Variants in FRY observed in about 807,000 individuals in gnomAD.
The protein encoded by FRY is protein furry homolog.
In FRY, 128 loss-of-function variants were observed where a neutral mutation model predicts 348.4. The ratio of observed to expected loss-of-function variants is 0.37; its 90% confidence interval spans 0.32 to 0.43. FRY has a LOEUF of 0.43. FRY is among the 20% of genes least tolerant of loss of function. FRY has a pLI of 1.00. For missense variants in FRY, 2,736 were observed against 3,695.2 expected (o/e 0.74, Z 6.73); for synonymous variants, 1,370 against 1,374.7 (o/e 1.00, Z 0.08).
At chr13:32,178,730 C>T in intron 21 of FRY, 114 bp from the exon 22 acceptor site, 2 of 786,074 alleles carry the variant, frequency 2.5e-6, no homozygotes, top group Non-Finnish European at 4.4e-6. Flanking sequence ...GAATAACATT[C>T]TTAATCGACA....
chr13:32,155,812 CTG>C lies in FRY; in HGVS notation c.1651+154_1651+155del, dbSNP rs1881073254. The C allele has an allele frequency of 6.5e-6, 4 of 614,324 alleles. No homozygotes were observed. The Admixed American group carries it at 9.3e-5, about 14-fold the overall frequency. 38.1% of individuals were successfully genotyped at this position (614,324 alleles called of 1,614,324 possible). A position where few individuals can be genotyped will look rare whatever the true frequency, so the allele number is the denominator to read the frequency against. ...CATTAATTGTTTTGATTGATTCATG[CTG>C]TGTTTTGTTTTACTGCTCTTTAAAC... On this transcript the variant is annotated intron_variant, in intron 15 of 60. Transcript: ENST00000542859.
rs1436158286 is a variant in FRY at position 32,295,294 on chromosome 13, AGAC to A, written c.8878_8880del (p.Thr2960del). 2.5e-6 allele frequency: 4 copies of A among 1,613,938 alleles called. No homozygotes were observed. In the African/African-American group the frequency reaches 5.3e-5, roughly 22 times the overall value. ...TATTTCCGTCACCAAACTCTGGGAC[AGAC>A]GGGTACTTATGCCCTGGTGGGGTCT... On this transcript the variant is annotated inframe_deletion, in exon 61 of 61. Coordinates refer to ENST00000542859, the MANE Select transcript of FRY (RefSeq NM_023037.3).
chr13:32,200,354 A>T (rs1370331395), intron 29 of FRY, among the ~76,000 whole-genome samples: 2 of 152,244 alleles, frequency 1.3e-5, no homozygotes, highest in Admixed American at 1.3e-4. Context: ...TTTCACCTTC[A>T]AACTATCTTT....
chr13:32,184,688 A>G lies in FRY; in HGVS notation c.3143A>G (p.Asp1048Gly). 1 of 1,562,644 alleles carries G rather than the reference A, an allele frequency of 6.4e-7. No individual in the cohort carries two copies. Among genetic ancestry groups the G allele is most frequent in the Non-Finnish European group, 8.8e-7 (1 of 1,133,316 alleles). The change falls in exon 25 of 61, where the codon GAC (aspartate) becomes GGC (glycine). Residue 1048 changes from aspartate to glycine, a missense_variant. Asp to Gly is a moderately conservative substitution (Grantham distance 94). Around this residue, in one of 9 missense-constraint regions of FRY, gnomAD observed 449 missense variants for 576.9 expected, o/e 0.78. Transcript: ENST00000542859. ...ELLADAGVIS[D>G]STNGALERDT... is the part of the protein sequence containing the mutation. ...TTGGCTGATGCTGGTGTAATAAGTG[A>G]CAGGTAGGATCAGAATTCTACCGAG...
chr13:32,045,973 C>T lies in FRY; in HGVS notation c.70+14108C>T, dbSNP rs539324519. Among the ~76,000 whole-genome samples, 62 of 152,324 alleles carry T rather than the reference C, an allele frequency of 4.1e-4. No individual in the cohort carries two copies. The South Asian group carries it at 0.013, about 32-fold the overall frequency. On this transcript the variant is annotated intron_variant, in intron 1 of 60. Coordinates refer to ENST00000542859, the MANE Select transcript of FRY (RefSeq NM_023037.3). Reference sequence around the variant, plus strand: ...TGAGCTCAGGCAGAGGATACAACTACTTATGAAGTGTACACACTCCAGTGA... The same window carrying T: ...TGAGCTCAGGCAGAGGATACAACTATTTATGAAGTGTACACACTCCAGTGA...
chr13:32,104,530 A>T (rs527608133), intron 3 of FRY, among the ~76,000 whole-genome samples: 66 of 152,342 alleles, frequency 4.3e-4, no homozygotes, highest in East Asian at 1.3e-3. Context: ...GTCACTAAGA[A>T]CTTTCAAATA....
chr13:32,249,818 G>T, intron 49 of FRY, 131 bp downstream of exon 49: 1 of 766,590 alleles, frequency 1.3e-6, no homozygotes, highest in South Asian at 1.5e-5. Flanking sequence ...TCCAGGGATG[G>T]GGTCTTGTGG....
chr13:32,076,817 GTATA>G (rs996442834), intron 1 of FRY, among the ~76,000 whole-genome samples: 9 of 152,030 alleles, frequency 5.9e-5, no homozygotes, highest in African/African-American at 1.9e-4. Flanking sequence ...AGCTAGAAGA[GTATA>G]TGGTTTAATT....
intron 1 of FRY, among the ~76,000 whole-genome samples, chr13:32,045,345 G>T (rs992580862): frequency 3.3e-5 from 5 of 152,118 alleles, no homozygotes; most frequent in Non-Finnish European, 7.4e-5. Context: ...CCAAGGCCTG[G>T]TTCCAGGTCT....
intron 14 of FRY, among the ~76,000 whole-genome samples, chr13:32,153,236 C>T (rs182413924): frequency 3.9e-5 from 6 of 152,190 alleles, no homozygotes; most frequent in Admixed American, 2.0e-4. Context: ...TGCTCACAAA[C>T]GTTTGTGCAA....
At position 32,201,926 on chromosome 13, in the gene FRY, C is replaced by A; in HGVS notation, c.3747-15C>A. 1 of 1,404,604 alleles carries A rather than the reference C, an allele frequency of 7.1e-7. No individual in the cohort carries two copies. Among genetic ancestry groups the A allele is most frequent in the Non-Finnish European group, 1.0e-6 (1 of 989,034 alleles). The allele number at this position is 1,404,604 out of a possible 1,614,324, so 87.0% of individuals were successfully genotyped here. ...TAAACCATGCTTTTTTTGTTTTGTTCTGTTGTGTTTTTAGGAACTATCCCT... is the reference window on the plus strand; with the variant it reads ...TAAACCATGCTTTTTTTGTTTTGTTATGTTGTGTTTTTAGGAACTATCCCT... On this transcript the variant is annotated splice_polypyrimidine_tract_variant and intron_variant, in intron 29 of 60. Transcript: ENST00000542859.
intron 35 of FRY, among the ~76,000 whole-genome samples, chr13:32,214,177 C>A (rs1884845268): frequency 1.3e-5 from 2 of 152,246 alleles, no homozygotes; most frequent in Non-Finnish European, 2.9e-5. Flanking sequence ...TGAAAGTAGG[C>A]TGTGCCCTCA....
intron 2 of FRY, chr13:32,085,896 C>T (rs370363998): frequency 2.1e-5 from 11 of 518,866 alleles, no homozygotes; most frequent in African/African-American, 1.9e-4. Flanking sequence ...CTGGTCTTAG[C>T]CCTCCAGGTG....
chr13:32,046,673 T>G (rs1017266392), intron 1 of FRY, among the ~76,000 whole-genome samples: 1 of 152,218 alleles, frequency 6.6e-6, no homozygotes, highest in African/African-American at 2.4e-5. Context: ...TTCTTTATTG[T>G]GTTTCCATGT....
chr13:32,279,288 T>G (rs1253692397), intron 58 of FRY, among the ~76,000 whole-genome samples: 1 of 152,184 alleles, frequency 6.6e-6, no homozygotes, highest in Non-Finnish European at 1.5e-5. Flanking sequence ...AGTAGCATCT[T>G]GGCAGAGATC....
At chr13:32,241,004 A>C (rs898298336) in intron 46 of FRY, among the ~76,000 whole-genome samples, 37 of 152,202 alleles carry the variant, frequency 2.4e-4, no homozygotes, top group African/African-American at 8.7e-4. Context: ...GACTGTCAGC[A>C]GCCCAGGATT....
intron 23 of FRY, among the ~76,000 whole-genome samples, chr13:32,182,231 T>C (rs1418139038): frequency 1.3e-5 from 2 of 152,208 alleles, no homozygotes; most frequent in Non-Finnish European, 2.9e-5. Flanking sequence ...CAGAAGTTAT[T>C]TCTTGAAGAA....
chr13:32,059,458 C>CAAA (rs10692049), intron 1 of FRY, among the ~76,000 whole-genome samples: 43,043 of 110,600 alleles, frequency 0.39, 8,174 homozygotes, highest in South Asian at 0.53. Context: ...ACTTAGGAAG[C>CAAA]AAAAAAAAAA....
chr13:32,182,881 A>T (rs1882797121), intron 23 of FRY, 96 bp from the exon 24 acceptor site: 1 of 788,330 alleles, frequency 1.3e-6, no homozygotes, highest in African/African-American at 1.7e-5. Context: ...AAAGTGTAAA[A>T]AGCAAGTGAT....
Sources: gnomAD v4.1 joint callset for allele counts (sites outside exome capture counted in the v4.1 genomes callset) on GRCh38, gnomAD v4.1.1 for gene constraint, gnomAD v4.1.1 regional missense constraint, MANE v1.5 for transcripts, NCBI Gene and HGNC (gene_info 2026-07-23, HGNC 2026-07-21) for gene names.